The following MED13L variants were observed in gnomAD, a reference collection of about 807,000 sequenced individuals.
MED13L encodes mediator complex subunit 13L.
In MED13L, 7 loss-of-function variants were observed where a neutral mutation model predicts 220.9. The observed-to-expected ratio is 0.03, with a 90% confidence interval of 0.02 to 0.06. The LOEUF (loss-of-function observed/expected upper bound fraction) is 0.06. Among genes scored for constraint, MED13L ranks in the 10% least tolerant of loss-of-function variants. MED13L has a pLI of 1.00. For synonymous variants in MED13L, 1,011 were observed against 1,015.2 expected, an observed-to-expected ratio of 1.00 and a Z score of 0.08; for missense variants, 1,965 against 2,760.5, an observed-to-expected ratio of 0.71 and a Z score of 6.46.
intron 1 of MED13L, among the ~76,000 whole-genome samples, chr12:116,273,252 T>A (rs1044558822): frequency 6.6e-6 from 1 of 151,962 alleles, no homozygotes; most frequent in Non-Finnish European, 1.5e-5. Flanking sequence ...TGCAGTGAAC[T>A]GAGATGGCAC....
chr12:116,136,474 GAGAA>G (rs1876566804), intron 2 of MED13L, among the ~76,000 whole-genome samples: 1 of 152,170 alleles, frequency 6.6e-6, no homozygotes, highest in African/African-American at 2.4e-5. Context: ...GGGAGAGAGA[GAGAA>G]AGAACGATGC....
intron 4 of MED13L, among the ~76,000 whole-genome samples, chr12:116,050,567 C>T (rs1868397990): frequency 2.0e-5 from 3 of 151,380 alleles, no homozygotes; most frequent in Non-Finnish European, 4.4e-5. Context: ...GATGGTAATT[C>T]TTTTTTTTTA....
At chr12:116,124,913 ATT>A (rs1875446776) in intron 2 of MED13L, among the ~76,000 whole-genome samples, 1 of 152,204 alleles carries the variant, frequency 6.6e-6, no homozygotes, top group Non-Finnish European at 1.5e-5. Flanking sequence ...GGAAAAAAAT[ATT>A]TGTCATAAAT....
At chr12:115,998,823 G>A (rs1051965444) in intron 14 of MED13L, among the ~76,000 whole-genome samples, 3 of 151,980 alleles carry the variant, frequency 2.0e-5, no homozygotes, top group African/African-American at 7.3e-5. Context: ...ATGCTCCACT[G>A]CTACTTATTT....
At chr12:116,135,409 G>T (rs1472749219) in intron 2 of MED13L, among the ~76,000 whole-genome samples, 2 of 152,240 alleles carry the variant, frequency 1.3e-5, no homozygotes, top group East Asian at 3.9e-4. Flanking sequence ...TCACAAATGT[G>T]AATAAAAAGG....
At chr12:116,024,567 T>C (rs1260051632) in intron 4 of MED13L, among the ~76,000 whole-genome samples, 1 of 152,174 alleles carries the variant, frequency 6.6e-6, no homozygotes. Context: ...TTTTCTCCTA[T>C]TCTGTGGGTT....
chr12:116,058,777 C>CAGAA (rs1208769118), intron 4 of MED13L, among the ~76,000 whole-genome samples: 1 of 152,148 alleles, frequency 6.6e-6, no homozygotes, highest in Non-Finnish European at 1.5e-5. Context: ...GGTTTATGGA[C>CAGAA]TTCTATATTT....
rs73398826 is a variant in MED13L at position 116,221,239 on chromosome 12, G to A, written c.310+16229C>T. On this transcript the variant is annotated intron_variant, in intron 2 of 30. Transcript: ENST00000281928. ...AAAACACAAAAATTGGCAATGTGTG[G>A]TGGTACATGCCTATAGTCTCAGCTA... Among the ~76,000 whole-genome samples, 1,436 of 152,038 alleles carry A rather than the reference G, an allele frequency of 9.4e-3. 18 individuals are homozygous for A. The highest frequency in any genetic ancestry group is 0.033 in the African/African-American group (1,375 of 41,456).
intron 2 of MED13L, among the ~76,000 whole-genome samples, chr12:116,122,100 TAA>T (rs962255740): frequency 1.8e-4 from 27 of 148,642 alleles, no homozygotes; most frequent in African/African-American, 6.4e-4. Flanking sequence ...TCGTAGTGTT[TAA>T]AAAAAAAAAT....
intron 2 of MED13L, among the ~76,000 whole-genome samples, chr12:116,166,795 G>C (rs920911815): frequency 6.6e-6 from 1 of 152,166 alleles, no homozygotes. Context: ...GCTTACTATA[G>C]TGGCTGGCAC....
chr12:116,211,767 T>A (rs1164608250), intron 2 of MED13L, among the ~76,000 whole-genome samples: 13 of 152,222 alleles, frequency 8.5e-5, no homozygotes, highest in Non-Finnish European at 1.5e-5. Flanking sequence ...AATACCTCTC[T>A]ACATTTGTAA....
chr12:115,984,951 T>G (rs189765100), intron 19 of MED13L, among the ~76,000 whole-genome samples: 1 of 151,864 alleles, frequency 6.6e-6, no homozygotes, highest in Admixed American at 6.6e-5. Flanking sequence ...GCAGGGAATA[T>G]AATAAACCTG....
chr12:116,073,092 T>A (rs963384333), intron 4 of MED13L, among the ~76,000 whole-genome samples: 3 of 152,196 alleles, frequency 2.0e-5, no homozygotes, highest in Non-Finnish European at 4.4e-5. Flanking sequence ...TGTGAATATG[T>A]CTGGTGAAAA....
At chr12:116,226,663 G>A (rs1869030868) in intron 2 of MED13L, among the ~76,000 whole-genome samples, 1 of 152,180 alleles carries the variant, frequency 6.6e-6, no homozygotes, top group Admixed American at 6.5e-5. Context: ...GAGGTCAGAA[G>A]TTTGAGACCA....
At chr12:116,002,138 C>A (rs551281733) in intron 14 of MED13L, among the ~76,000 whole-genome samples, 1 of 152,160 alleles carries the variant, frequency 6.6e-6, no homozygotes, top group African/African-American at 2.4e-5. Flanking sequence ...ACTACAGCAA[C>A]GGGCTGGCTA....
chr12:116,267,439 G>A (rs1040644130), intron 1 of MED13L, among the ~76,000 whole-genome samples: 11 of 152,006 alleles, frequency 7.2e-5, no homozygotes, highest in East Asian at 3.9e-4. Context: ...TAACTGCCTC[G>A]GGCTACTCTA....
intron 1 of MED13L, among the ~76,000 whole-genome samples, chr12:116,245,360 A>G (rs894442325): frequency 4.6e-5 from 7 of 152,222 alleles, no homozygotes; most frequent in Admixed American, 4.6e-4. Context: ...CACCCAGATC[A>G]GTGAGGCGCA....
At chr12:116,271,064 A>AAAAAAAAG (rs1318089075) in intron 1 of MED13L, among the ~76,000 whole-genome samples, 1 of 150,390 alleles carries the variant, frequency 6.6e-6, no homozygotes, top group African/African-American at 2.4e-5. Flanking sequence ...AAAAAAAAAA[A>AAAAAAAAG]AAAGAAAGAA....
chr12:116,178,364 AGGAGCCAGAGTC>A (rs1382095694), intron 2 of MED13L, among the ~76,000 whole-genome samples: 1 of 152,184 alleles, frequency 6.6e-6, no homozygotes, highest in Non-Finnish European at 1.5e-5. Flanking sequence ...CATAATTTGG[AGGAGCCAGAGTC>A]CTAAGGACTT....
Sources: gnomAD v4.1 joint callset for allele counts (sites outside exome capture counted in the v4.1 genomes callset) on GRCh38, gnomAD v4.1.1 for gene constraint, MANE v1.5 for transcripts, NCBI Gene and HGNC (gene_info 2026-07-23, HGNC 2026-07-21) for gene names.